Variants in TEAD4 observed in about 807,000 individuals in gnomAD.
TEAD4 encodes the protein transcriptional enhancer factor TEF-3.
TEAD4 carries 36 observed loss-of-function variants against 52.4 expected under a neutral mutation model. The observed-to-expected ratio is 0.69, with a 90% CI of 0.53 to 0.91. The LOEUF is 0.91. Ranked by LOEUF, TEAD4 falls within the 40% of genes least tolerant of loss-of-function variation. The probability of loss-of-function intolerance (pLI) is 0.00; values close to 1 mark genes in which losing one functional copy is unlikely to be tolerated. For synonymous variants in TEAD4, 220 were observed against 231.0 expected (o/e 0.95, Z 0.43); for missense variants, 508 against 583.9 (o/e 0.87, Z 1.34).
chr12:3,040,120 G>A lies in TEAD4; in HGVS notation c.1052G>A (p.Arg351His), dbSNP rs746321600. ...CGGGTCCTGCAGACAGAGTATGCTCGCTATGAGAATGGACACTACTCTTAC... is the reference window on the plus strand; with the variant it reads ...CGGGTCCTGCAGACAGAGTATGCTCACTATGAGAATGGACACTACTCTTAC... Residue 351 changes from arginine (R) to histidine (H), a missense_variant, in exon 12 of 13, where the codon CGC (arginine) becomes CAC (histidine). Arg to His is a conservative substitution (Grantham distance 29). Transcript: ENST00000359864. The A allele has an allele frequency of 5.5e-5, 89 of 1,614,038 alleles. No individual in the cohort carries two copies. Among genetic ancestry groups the A allele is most frequent in the Non-Finnish European group, 5.8e-5 (68 of 1,180,040 alleles).
chr12:2,977,043 G>A (rs946281372), intron 2 of TEAD4, among the ~76,000 whole-genome samples: 2 of 151,478 alleles, frequency 1.3e-5, no homozygotes, highest in Non-Finnish European at 2.9e-5. Context: ...GGCAATGACC[G>A]TGAATCACGT....
intron 2 of TEAD4, among the ~76,000 whole-genome samples, chr12:2,964,761 C>A (rs576802306): frequency 6.6e-6 from 1 of 152,158 alleles, no homozygotes; most frequent in Admixed American, 6.6e-5. Flanking sequence ...CGTGAACCAC[C>A]GTGCGCCTGG....
chr12:3,021,188 C>G (rs1197758463), intron 9 of TEAD4, among the ~76,000 whole-genome samples: 1 of 152,180 alleles, frequency 6.6e-6, no homozygotes, highest in African/African-American at 2.4e-5. Flanking sequence ...ACCAGCCTGT[C>G]CCCTTCGGTG....
chr12:2,961,630 G>A (rs1399110478), intron 2 of TEAD4, among the ~76,000 whole-genome samples: 1 of 152,062 alleles, frequency 6.6e-6, no homozygotes, highest in Admixed American at 6.6e-5. Context: ...TGGGTAATAC[G>A]AGCGGAGCTT....
At chr12:2,965,182 G>A (rs2153952201) in intron 2 of TEAD4, among the ~76,000 whole-genome samples, 1 of 152,040 alleles carries the variant, frequency 6.6e-6, no homozygotes, top group East Asian at 1.9e-4. Flanking sequence ...TTTATTTTTT[G>A]AGACAGAGAC....
intron 5 of TEAD4, among the ~76,000 whole-genome samples, chr12:3,014,888 AGTT>A: frequency 6.6e-6 from 1 of 152,162 alleles, no homozygotes; most frequent in East Asian, 1.9e-4. Context: ...CTCGTGATGG[AGTT>A]GTTAAGTGCC....
intron 3 of TEAD4, among the ~76,000 whole-genome samples, chr12:3,005,461 TTTTTTA>T (rs1313313428): frequency 4.1e-4 from 62 of 151,976 alleles, no homozygotes; most frequent in African/African-American, 1.4e-3. Context: ...GCCTGGCTAA[TTTTTTA>T]TTTTTATTTT....
At chr12:3,038,136 C>A in intron 11 of TEAD4, 28 bp downstream of exon 11, 1 of 1,602,146 alleles carries the variant, frequency 6.2e-7, no homozygotes, top group Non-Finnish European at 8.5e-7. Context: ...CGGGTGAGGG[C>A]CGGTGGCAGT....
chr12:2,967,597 G>A (rs568192696), intron 2 of TEAD4, among the ~76,000 whole-genome samples: 1 of 152,274 alleles, frequency 6.6e-6, no homozygotes, highest in Admixed American at 6.5e-5. Flanking sequence ...AATAGAGTGG[G>A]ACTTACTCTT....
intron 2 of TEAD4, among the ~76,000 whole-genome samples, chr12:2,985,180 C>T (rs185998639): frequency 1.4e-4 from 22 of 151,992 alleles, no homozygotes; most frequent in South Asian, 2.1e-4. Flanking sequence ...GTCAGGAGGT[C>T]GAGACCATCC....
intron 3 of TEAD4, among the ~76,000 whole-genome samples, chr12:2,997,637 G>A (rs1297668211): frequency 3.3e-5 from 5 of 152,060 alleles, no homozygotes; most frequent in African/African-American, 1.2e-4. Flanking sequence ...AGAGACAGAG[G>A]TGGGCCGGAA....
chr12:3,009,902 C>G (rs140999089), intron 3 of TEAD4, among the ~76,000 whole-genome samples: 26 of 152,364 alleles, frequency 1.7e-4, no homozygotes, highest in African/African-American at 5.8e-4. Flanking sequence ...GGGGGGTCAG[C>G]TTGGCCTTGG....
chr12:3,006,714 TAAAG>T (rs1336762228), intron 3 of TEAD4, among the ~76,000 whole-genome samples: 2 of 150,002 alleles, frequency 1.3e-5, no homozygotes, highest in East Asian at 2.0e-4. Flanking sequence ...TAATCAAAAA[TAAAG>T]AAGAAAGAAA....
chr12:2,970,460 G>A (rs970807760), intron 2 of TEAD4, among the ~76,000 whole-genome samples: 5 of 152,214 alleles, frequency 3.3e-5, no homozygotes, highest in East Asian at 3.8e-4. Context: ...TCTTTCCCCG[G>A]CACATAATAA....
chr12:3,004,115 C>T (rs1160766930), intron 3 of TEAD4, among the ~76,000 whole-genome samples: 1 of 152,224 alleles, frequency 6.6e-6, no homozygotes, highest in African/African-American at 2.4e-5. Context: ...TACCACTGTC[C>T]ATGAGTGGTG....
chr12:2,966,567 T>C (rs7306310), intron 2 of TEAD4, among the ~76,000 whole-genome samples: 4,295 of 144,372 alleles, frequency 0.03, 208 homozygotes, highest in African/African-American at 0.1. Context: ...CACGCCACCA[T>C]GCCCAGCTAA....
At chr12:2,991,222 T>A (rs906789815) in intron 2 of TEAD4, among the ~76,000 whole-genome samples, 81 of 152,080 alleles carry the variant, frequency 5.3e-4, no homozygotes, top group African/African-American at 2.0e-3. Flanking sequence ...ATAATAAAAA[T>A]TTAAAGTGAT....
At chr12:2,991,806 C>A (rs1331168240) in intron 2 of TEAD4, among the ~76,000 whole-genome samples, 1 of 152,138 alleles carries the variant, frequency 6.6e-6, no homozygotes, top group Non-Finnish European at 1.5e-5. Context: ...TGAAAACTTA[C>A]TTTAACAGCC....
chr12:2,966,854 CT>C (rs2098220810), intron 2 of TEAD4, among the ~76,000 whole-genome samples: 1 of 152,026 alleles, frequency 6.6e-6, no homozygotes, highest in Admixed American at 6.6e-5. Context: ...TTACAGGCAC[CT>C]GCCACCACGC....
Sources: gnomAD v4.1 joint callset for allele counts (sites outside exome capture counted in the v4.1 genomes callset) on GRCh38, gnomAD v4.1.1 for gene constraint, MANE v1.5 for transcripts, NCBI Gene and HGNC (gene_info 2026-07-23, HGNC 2026-07-21) for gene names.